Variants in DNAAF10 observed in about 807,000 individuals in gnomAD.
DNAAF10 encodes WD repeat domain 92.
In DNAAF10, 28 loss-of-function variants were observed where a neutral mutation model predicts 43.7. The ratio of observed to expected loss-of-function variants is 0.64; its 90% CI spans 0.48 to 0.88. DNAAF10 has a LOEUF of 0.88. Among genes scored for constraint, DNAAF10 ranks in the 40% least tolerant of loss-of-function variants. The pLI, the probability that DNAAF10 is intolerant of heterozygous loss-of-function variation, is 0.00. For synonymous variants in DNAAF10, 156 were observed against 157.3 expected (o/e 0.99, Z 0.06); for missense variants, 403 against 439.1 (o/e 0.92, Z 0.73).
At chr2:68,142,053 C>T (rs1184743734) in intron 3 of DNAAF10, among the ~76,000 whole-genome samples, 1 of 152,142 alleles carries the variant, frequency 6.6e-6, no homozygotes, top group East Asian at 1.9e-4. Flanking sequence ...AAGTTATCTA[C>T]GAGTGATGAC....
At chr2:68,143,797 T>C (rs1673248362) in intron 3 of DNAAF10, among the ~76,000 whole-genome samples, 1 of 152,190 alleles carries the variant, frequency 6.6e-6, no homozygotes, top group Non-Finnish European at 1.5e-5. Context: ...AAAAATCTAA[T>C]GGTTGTGGTA....
intron 1 of DNAAF10, among the ~76,000 whole-genome samples, chr2:68,154,764 C>T (rs1358771464): frequency 6.6e-6 from 1 of 151,994 alleles, no homozygotes; most frequent in Non-Finnish European, 1.5e-5. Flanking sequence ...ACATACAAAT[C>T]ATATATTTTC....
intron 5 of DNAAF10, 59 bp from the exon 6 acceptor site, chr2:68,137,492 T>C (rs1673072678): frequency 6.9e-7 from 1 of 1,439,284 alleles, no homozygotes; most frequent in Non-Finnish European, 9.3e-7. Flanking sequence ...GGAGGCTCTT[T>C]TATACTAAGT....
intron 5 of DNAAF10, among the ~76,000 whole-genome samples, chr2:68,137,887 T>C (rs1673083427): frequency 7.0e-6 from 1 of 142,672 alleles, no homozygotes; most frequent in Admixed American, 7.1e-5. Flanking sequence ...CATTTTTTTT[T>C]TTTTTGGCCA....
chr2:68,140,471 A>G (rs7607928), intron 4 of DNAAF10, among the ~76,000 whole-genome samples: 3,561 of 152,284 alleles, frequency 0.023, 123 homozygotes, highest in African/African-American at 0.082. Flanking sequence ...ATCCAAAAAC[A>G]TTCCCAAATT....
intron 1 of DNAAF10, among the ~76,000 whole-genome samples, chr2:68,154,847 T>C (rs975261294): frequency 5.3e-5 from 8 of 152,186 alleles, no homozygotes; most frequent in African/African-American, 1.9e-4. Context: ...ACAGCATCCT[T>C]GACCTCCTGG....
intron 4 of DNAAF10, 121 bp downstream of exon 4, chr2:68,141,573 C>T (rs1436208997): frequency 4.5e-6 from 4 of 883,980 alleles, no homozygotes; most frequent in Non-Finnish European, 6.8e-6. Context: ...GTGTATTTGC[C>T]TCAGTAAACT....
intron 1 of DNAAF10, among the ~76,000 whole-genome samples, chr2:68,154,091 C>T (rs1378234278): frequency 6.6e-6 from 1 of 151,680 alleles, no homozygotes; most frequent in East Asian, 1.9e-4. Flanking sequence ...TTAGTTTTAC[C>T]CTCTTTTTGG....
intron 2 of DNAAF10, 135 bp from the exon 3 acceptor site, chr2:68,144,850 T>C: frequency 8.4e-7 from 1 of 1,187,760 alleles, no homozygotes; most frequent in Non-Finnish European, 1.1e-6. Flanking sequence ...AGTTTATACA[T>C]TTATTTACAC....
Position 68,138,704 on chromosome 2 carries a change from T to C in DNAAF10, c.633+38A>G, listed in dbSNP as rs375220135. 4.8e-5 allele frequency: 69 copies of C among 1,444,028 alleles called. No individual in the cohort carries two copies. The African/African-American group carries it at 8.7e-4, about 18-fold the overall frequency. 89.5% of individuals were successfully genotyped at this position (1,444,028 alleles called of 1,614,324 possible). ...AATAGTTCAGAGGTGAATGGAAACA[T>C]GCTCAGAGAAACCAAAAAGCCTCAG... On this transcript the variant is annotated intron_variant, in intron 5 of 7. Coordinates refer to ENST00000295121, the MANE Select transcript of DNAAF10 (RefSeq NM_138458.4).
chr2:68,141,329 T>C (rs371835355), intron 4 of DNAAF10, among the ~76,000 whole-genome samples: 57 of 152,378 alleles, frequency 3.7e-4, no homozygotes, highest in African/African-American at 1.3e-3. Context: ...TAGGTCAATA[T>C]TATCTAGTTA....
At chr2:68,145,810 T>G (rs1673302437) in intron 2 of DNAAF10, among the ~76,000 whole-genome samples, 1 of 152,236 alleles carries the variant, frequency 6.6e-6, no homozygotes, top group Non-Finnish European at 1.5e-5. Flanking sequence ...CGTCTCCATT[T>G]CTCCCCTTCT....
At chr2:68,146,339 G>GATTAAACA (rs1341130602) in intron 2 of DNAAF10, among the ~76,000 whole-genome samples, 1 of 152,074 alleles carries the variant, frequency 6.6e-6, no homozygotes, top group African/African-American at 2.4e-5. Flanking sequence ...CTAATCAAGA[G>GATTAAACA]ATTAAACAAG....
chr2:68,151,241 T>C (rs1342598855), intron 1 of DNAAF10, among the ~76,000 whole-genome samples: 1 of 152,218 alleles, frequency 6.6e-6, no homozygotes, highest in Non-Finnish European at 1.5e-5. Flanking sequence ...CTGCCTTCTC[T>C]ACTAATTCCA....
At chr2:68,148,643 A>G (rs1673381623) in intron 1 of DNAAF10, among the ~76,000 whole-genome samples, 1 of 152,064 alleles carries the variant, frequency 6.6e-6, no homozygotes, top group African/African-American at 2.4e-5. Flanking sequence ...CTGGAATTAG[A>G]TGAGGCCACT....
chr2:68,134,097 C>T (rs1438806404), intron 7 of DNAAF10: 2 of 978,728 alleles, frequency 2.0e-6, no homozygotes, highest in South Asian at 4.7e-5. Context: ...CAATTTTTAT[C>T]AGACCTTTAA....
intron 2 of DNAAF10, among the ~76,000 whole-genome samples, chr2:68,146,463 A>G (rs1376679681): frequency 6.6e-6 from 1 of 152,204 alleles, no homozygotes; most frequent in Admixed American, 6.5e-5. Flanking sequence ...TATCTGTACT[A>G]TACTAGGAAA....
rs1409719403 is a variant in DNAAF10, at chr2:68,157,396, G to A, written c.48C>T (p.Gly16=). The part of the protein sequence containing the change: ...KPQIIAHIQK[G]FNYTVFDCKW... ...TACAGTCAAACACCGTGTAGTTGAA[G>A]CCCTTCTGGATATGGGCGATGATCT... is the stretch of plus-strand genomic sequence containing the variant. The change falls in exon 1 of 8, where the codon GGC becomes GGT. Residue 16 remains glycine, a synonymous_variant. Transcript: ENST00000295121. 6.2e-7 allele frequency: 1 copy of A among 1,614,220 alleles called. No individual in the cohort carries two copies. The highest frequency in any genetic ancestry group is 1.1e-5 in the South Asian group (1 of 91,092).
intron 7 of DNAAF10, 98 bp from the exon 8 acceptor site, chr2:68,131,543 A>T: frequency 8.7e-7 from 1 of 1,147,454 alleles, no homozygotes; most frequent in Non-Finnish European, 1.3e-6. Context: ...TCAGTTGGTT[A>T]CTGGGACTAA....
Sources: allele counts gnomAD v4.1 joint callset (sites outside exome capture counted in the v4.1 genomes callset), GRCh38; gene constraint gnomAD v4.1.1; transcripts MANE v1.5; gene names NCBI Gene and HGNC (gene_info 2026-07-23, HGNC 2026-07-21).